NCKAP5: variants seen among roughly 807,000 people sequenced by gnomAD.
The protein encoded by NCKAP5 is nck-associated protein 5.
In NCKAP5, 92 loss-of-function variants were observed where a neutral mutation model predicts 167.0. The observed-to-expected ratio is 0.55, with a 90% CI of 0.47 to 0.66. NCKAP5 has a LOEUF of 0.66. Ranked by LOEUF, NCKAP5 falls within the 30% of genes least tolerant of loss-of-function variation. The pLI is 0.00. For synonymous variants in NCKAP5, 891 were observed against 877.4 expected (o/e 1.02, Z -0.27); for missense variants, 2,378 against 2,315.0 (o/e 1.03, Z -0.56).
chr2:133,162,453 G>A (rs542226300), intron 5 of NCKAP5, among the ~76,000 whole-genome samples: 17 of 152,214 alleles, frequency 1.1e-4, no homozygotes, highest in Non-Finnish European at 2.2e-4. Context: ...CATACTTAAA[G>A]CTGCAGAAAC....
chr2:132,675,639 AC>A (rs1684339244), intron 19 of NCKAP5, among the ~76,000 whole-genome samples: 1 of 152,150 alleles, frequency 6.6e-6, no homozygotes, highest in South Asian at 2.1e-4. Flanking sequence ...GAAGAACATG[AC>A]CCCTGGAGGG....
At chr2:132,936,425 T>C (rs1001860125) in intron 8 of NCKAP5, among the ~76,000 whole-genome samples, 5 of 152,244 alleles carry the variant, frequency 3.3e-5, no homozygotes, top group Non-Finnish European at 5.9e-5. Flanking sequence ...CATTTTCCCA[T>C]GTGTGACTCA....
intron 6 of NCKAP5, among the ~76,000 whole-genome samples, chr2:133,082,040 C>T (rs1485444076): frequency 2.0e-5 from 3 of 152,100 alleles, no homozygotes; most frequent in Non-Finnish European, 4.4e-5. Context: ...TCCTCCCACC[C>T]TCCACCCTCA....
intron 16 of NCKAP5, among the ~76,000 whole-genome samples, chr2:132,752,645 T>A (rs1680213079): frequency 6.6e-6 from 1 of 152,212 alleles, no homozygotes; most frequent in African/African-American, 2.4e-5. Flanking sequence ...ATTCTAATTA[T>A]CCTGTTAAAA....
intron 3 of NCKAP5, among the ~76,000 whole-genome samples, chr2:133,435,789 T>C (rs935088397): frequency 6.6e-6 from 1 of 152,122 alleles, no homozygotes; most frequent in Non-Finnish European, 1.5e-5. Flanking sequence ...ACTTGATATC[T>C]CTGTTCTTTT....
chr2:132,915,273 G>T (rs1694777638), intron 8 of NCKAP5, among the ~76,000 whole-genome samples: 1 of 152,006 alleles, frequency 6.6e-6, no homozygotes, highest in African/African-American at 2.4e-5. Flanking sequence ...TGTATCAGAT[G>T]AGAAGACGAG....
chr2:132,781,664 G>A (rs1353169520), intron 14 of NCKAP5, among the ~76,000 whole-genome samples: 1 of 152,134 alleles, frequency 6.6e-6, no homozygotes, highest in Non-Finnish European at 1.5e-5. Flanking sequence ...CCTAGTGTAG[G>A]TGGAATTGCT....
At chr2:133,116,439 G>A (rs1298942125) in intron 6 of NCKAP5, among the ~76,000 whole-genome samples, 1 of 69,594 alleles carries the variant, frequency 1.4e-5, no homozygotes, top group Non-Finnish European at 2.3e-5. Flanking sequence ...AGTGAGCCGA[G>A]ATCGCGCCAC....
chr2:132,726,893 CTG>C (rs1165471242), intron 18 of NCKAP5, among the ~76,000 whole-genome samples: 1 of 152,224 alleles, frequency 6.6e-6, no homozygotes, highest in Admixed American at 6.5e-5. Flanking sequence ...AGTCTACTGA[CTG>C]TAGTTCTGGG....
At chr2:133,600,087 G>C in the NCKAP5 span, among the ~76,000 whole-genome samples, 1 of 152,192 alleles carries the variant, frequency 6.6e-6, no homozygotes, top group Non-Finnish European at 1.5e-5. Flanking sequence ...GCTCATCTGT[G>C]TCGCGGAATT....
chr2:132,696,651 A>G lies in NCKAP5; in HGVS notation c.5714-23346T>C, dbSNP rs191031594. ...CGGATCATTAGCAGAGAGCTTAATC[A>G]TCGTACATGATTCACTGGCTTAAAT... is the stretch of plus-strand genomic sequence containing the variant. On this transcript the variant is annotated intron_variant, in intron 19 of 19. Transcript: ENST00000409261. Among the ~76,000 whole-genome samples, 165 of 152,326 alleles carry G rather than the reference A, an allele frequency of 1.1e-3. 1 individual carries two copies. Among genetic ancestry groups the G allele is most frequent in the Non-Finnish European group, 2.1e-3 (143 of 68,028 alleles).
At chr2:132,951,740 C>A (rs1281131314) in intron 8 of NCKAP5, among the ~76,000 whole-genome samples, 1 of 152,162 alleles carries the variant, frequency 6.6e-6, no homozygotes, top group Non-Finnish European at 1.5e-5. Flanking sequence ...TCTAGAGCCA[C>A]AATTTTTCCC....
intron 4 of NCKAP5, among the ~76,000 whole-genome samples, chr2:133,266,682 C>T (rs976527420): frequency 1.9e-4 from 29 of 152,266 alleles, no homozygotes; most frequent in African/African-American, 6.3e-4. Flanking sequence ...GGGCCACGCG[C>T]TCACCGCAGC....
chr2:133,558,724 A>AAAAAAAAAAAAAC (rs1558784768), intron 2 of NCKAP5, among the ~76,000 whole-genome samples: 1 of 147,360 alleles, frequency 6.8e-6, no homozygotes, highest in Non-Finnish European at 1.5e-5. Flanking sequence ...AAAAAAAAAA[A>AAAAAAAAAAAAAC]AAGCCCATAT....
chr2:132,848,696 G>A (rs1199009705), intron 11 of NCKAP5, among the ~76,000 whole-genome samples: 1 of 152,182 alleles, frequency 6.6e-6, no homozygotes, highest in Admixed American at 6.5e-5. Context: ...TGGTGTGCAT[G>A]TCTGTAGTCC....
intron 6 of NCKAP5, among the ~76,000 whole-genome samples, chr2:133,053,694 AG>A (rs938053613): frequency 7.2e-5 from 11 of 152,218 alleles, no homozygotes; most frequent in South Asian, 4.2e-4. Context: ...TTCAAGTCCA[AG>A]TTGCTTACAG....
chr2:133,102,271 C>T (rs577921122), intron 6 of NCKAP5, among the ~76,000 whole-genome samples: 6 of 152,166 alleles, frequency 3.9e-5, no homozygotes, highest in African/African-American at 1.2e-4. Flanking sequence ...CTCAGCCTCC[C>T]GAGTAGCCGG....
At chr2:133,581,131 T>C in the NCKAP5 span, among the ~76,000 whole-genome samples, 1 of 152,182 alleles carries the variant, frequency 6.6e-6, no homozygotes, top group African/African-American at 2.4e-5. Context: ...CCATTGCTCC[T>C]AAAATAAATC....
chr2:132,759,413 A>G (rs1680815829), intron 16 of NCKAP5, among the ~76,000 whole-genome samples: 2 of 152,186 alleles, frequency 1.3e-5, no homozygotes, highest in Admixed American at 1.3e-4. Flanking sequence ...TTTTTATATC[A>G]TAAACCAGTA....
Sources: gnomAD v4.1 joint callset for allele counts (sites outside exome capture counted in the v4.1 genomes callset) on GRCh38, gnomAD v4.1.1 for gene constraint, MANE v1.5 for transcripts, NCBI Gene and HGNC (gene_info 2026-07-23, HGNC 2026-07-21) for gene names.